The following GIPC2 variants were observed in gnomAD, a reference collection of about 807,000 sequenced individuals.
GIPC2 encodes GIPC PDZ domain containing family member 2.
Under a neutral mutation model 30.6 loss-of-function variants are expected in GIPC2, and 30 were observed. The ratio of observed to expected loss-of-function variants is 0.98; its 90% CI spans 0.73 to 1.33. GIPC2 has a LOEUF of 1.33. Among genes scored for constraint, GIPC2 ranks in the 40% most tolerant of loss-of-function variants. The pLI, the probability that GIPC2 is intolerant of heterozygous loss-of-function variation, is 0.00. For missense variants in GIPC2, 414 were observed against 390.3 expected (o/e 1.06, Z -0.51); for synonymous variants, 167 against 150.0 (o/e 1.11, Z -0.83).
chr1:78,061,650 G>A (rs1387955707), intron 1 of GIPC2, among the ~76,000 whole-genome samples: 1 of 84,974 alleles, frequency 1.2e-5, no homozygotes, highest in Admixed American at 1.4e-4. Context: ...ACAGGCGTGA[G>A]CCACCAAGCC....
At chr1:78,091,764 C>T in intron 2 of GIPC2, 1 of 776,312 alleles carries the variant, frequency 1.3e-6, no homozygotes, top group Non-Finnish European at 2.4e-6. Flanking sequence ...CACAAAGTAG[C>T]ACAGAAGAGG....
Position 78,136,442 on chromosome 1 carries a change from G to A in GIPC2, c.*699G>A, listed in dbSNP as rs750064841. 3 of 151,810 alleles carry A rather than the reference G, an allele frequency of 2.0e-5. No individual in the cohort carries two copies. The highest frequency in any genetic ancestry group is 4.4e-5 in the Non-Finnish European group (3 of 67,910). 9.4% of individuals were successfully genotyped at this position (151,810 alleles called of 1,614,324 possible). On this transcript the variant is annotated 3_prime_UTR_variant, in exon 6 of 6. Transcript: ENST00000370759. ...GAAGGGTAAAAAAGAGATGGGTAGGGTAGAACTACTTGCATTTGATTTTTT... is the reference window on the plus strand; with the variant it reads ...GAAGGGTAAAAAAGAGATGGGTAGGATAGAACTACTTGCATTTGATTTTTT...
At chr1:78,084,179 A>T (rs1332692254) in intron 2 of GIPC2, among the ~76,000 whole-genome samples, 1 of 152,198 alleles carries the variant, frequency 6.6e-6, no homozygotes, top group Non-Finnish European at 1.5e-5. Flanking sequence ...CATTATTTCT[A>T]GATCCTTTCA....
chr1:78,070,520 G>A (rs1371732353), intron 1 of GIPC2, among the ~76,000 whole-genome samples: 2 of 133,176 alleles, frequency 1.5e-5, no homozygotes, highest in African/African-American at 6.2e-5. Context: ...TTGTGGGAGA[G>A]GATGATATAT....
intron 1 of GIPC2, among the ~76,000 whole-genome samples, chr1:78,071,599 T>C (rs2100326796): frequency 6.6e-6 from 1 of 151,332 alleles, no homozygotes; most frequent in South Asian, 2.1e-4. Flanking sequence ...TTTCTTCTTC[T>C]TCTTTTTTTT....
chr1:78,110,631 G>A (rs975829802), intron 3 of GIPC2, among the ~76,000 whole-genome samples: 3 of 152,200 alleles, frequency 2.0e-5, no homozygotes, highest in Non-Finnish European at 2.9e-5. Context: ...GAGTTGCCTA[G>A]GTGGGAGGGA....
intron 4 of GIPC2, among the ~76,000 whole-genome samples, chr1:78,122,038 T>C (rs1425581844): frequency 6.6e-6 from 1 of 152,202 alleles, no homozygotes; most frequent in East Asian, 1.9e-4. Flanking sequence ...AAGGGTTAAA[T>C]CATTCGTCAC....
intron 3 of GIPC2, among the ~76,000 whole-genome samples, chr1:78,105,661 T>A (rs955272887): frequency 6.6e-6 from 1 of 152,178 alleles, no homozygotes; most frequent in Non-Finnish European, 1.5e-5. Context: ...AGTTTTCAAC[T>A]GTTTTTAAGC....
intron 2 of GIPC2, among the ~76,000 whole-genome samples, chr1:78,081,276 A>G (rs1661823356): frequency 6.6e-6 from 1 of 152,188 alleles, no homozygotes; most frequent in African/African-American, 2.4e-5. Context: ...GGAAGTATAT[A>G]AAGTTGGATC....
chr1:78,115,427 G>T (rs1662551161), intron 3 of GIPC2, among the ~76,000 whole-genome samples: 1 of 152,130 alleles, frequency 6.6e-6, no homozygotes, highest in South Asian at 2.1e-4. Flanking sequence ...GGTCGGGGAA[G>T]GAGGTTGCAT....
At chr1:78,045,155 A>C, upstream of GIPC2, 1 of 770,914 alleles carries the variant, frequency 1.3e-6, no homozygotes, top group Non-Finnish European at 1.6e-6. Flanking sequence ...TAGTGATTTC[A>C]CTCCACTGAA....
intron 3 of GIPC2, among the ~76,000 whole-genome samples, 199 bp downstream of exon 3, chr1:78,095,331 G>C (rs1208750443): frequency 6.6e-6 from 1 of 152,086 alleles, no homozygotes; most frequent in Non-Finnish European, 1.5e-5. Flanking sequence ...GAAAATTATT[G>C]CCTTGTAAAA....
intron 1 of GIPC2, among the ~76,000 whole-genome samples, chr1:78,048,750 T>G (rs1246112703): frequency 1.3e-5 from 2 of 152,136 alleles, no homozygotes; most frequent in Non-Finnish European, 2.9e-5. Context: ...GAAGCTATAT[T>G]GTTACCCAAG....
In GIPC2 at chr1:78,045,990, A is replaced by C. The variant is rs1382572133; in HGVS notation, c.-105A>C. 2.2e-6 allele frequency: 3 copies of C among 1,382,464 alleles called. No individual in the cohort carries two copies. In the African/African-American group the frequency reaches 4.6e-5, roughly 21 times the overall value. The allele number at this position is 1,382,464 out of a possible 1,614,324, so 85.6% of individuals were successfully genotyped here. Reference sequence around the variant, plus strand: ...CAGGCGGAAGCGCGGCTGCCATTGGAGGCTGCTTTTACCTGCGCGGGGCCC... The same window carrying C: ...CAGGCGGAAGCGCGGCTGCCATTGGCGGCTGCTTTTACCTGCGCGGGGCCC... On this transcript the variant is annotated 5_prime_UTR_variant, in exon 1 of 6. Transcript: ENST00000370759.
In GIPC2 at chr1:78,137,068, C is replaced by T. The variant is rs1557556350; in HGVS notation, c.*1325C>T. ...GGTAAAACTTTAGTTGTATTGCCATCCACTCCTTTTTCAAATGAGTTTAAT... is the reference window on the plus strand; with the variant it reads ...GGTAAAACTTTAGTTGTATTGCCATTCACTCCTTTTTCAAATGAGTTTAAT... On this transcript the variant is annotated 3_prime_UTR_variant, in exon 6 of 6. Coordinates refer to ENST00000370759, the MANE Select transcript of GIPC2 (RefSeq NM_017655.6). The T allele has an allele frequency of 6.6e-6, 1 of 152,228 alleles. No homozygotes were observed. The highest frequency in any genetic ancestry group is 1.5e-5 in the Non-Finnish European group (1 of 67,992). The allele number at this position is 152,228 out of a possible 1,614,324, so 9.4% of individuals were successfully genotyped here.
chr1:78,111,393 C>T (rs553145216), intron 3 of GIPC2, among the ~76,000 whole-genome samples: 1 of 152,302 alleles, frequency 6.6e-6, no homozygotes, highest in African/African-American at 2.4e-5. Context: ...GGCTTACACT[C>T]ATCCACTTTA....
rs766499697 is a variant in GIPC2, at chr1:78,135,651, C to T, written c.856C>T (p.Leu286Phe). The T allele has an allele frequency of 5.0e-6, 8 of 1,610,204 alleles. No homozygotes were observed. In the Admixed American group the frequency reaches 5.0e-5, roughly 10 times the overall value. The change falls in exon 6 of 6, where the codon CTT becomes TTT. Residue 286 changes from leucine to phenylalanine, a missense_variant. By Grantham distance (22) the Leu-to-Phe change is conservative. Transcript: ENST00000370759. ...KVNPDEFAVA[L>F]DETLGDFAFP... is the part of the protein sequence containing the mutation. ...AAATCCAGATGAATTTGCTGTGGCA[C>T]TTGACGAAACTCTTGGAGACTTTGC...
At chr1:78,078,784 T>A (rs1436047526) in intron 1 of GIPC2, among the ~76,000 whole-genome samples, 1 of 150,308 alleles carries the variant, frequency 6.7e-6, no homozygotes, top group African/African-American at 2.4e-5. Context: ...ATGGGTAAAT[T>A]GCTTTTATAT....
intron 2 of GIPC2, among the ~76,000 whole-genome samples, chr1:78,084,510 CAAA>C (rs11432277): frequency 2.3e-5 from 3 of 128,970 alleles, no homozygotes; most frequent in Admixed American, 7.7e-5. Flanking sequence ...GACTCTGTCT[CAAA>C]AAAAAAAAAA....
Sources: allele counts gnomAD v4.1 joint callset (sites outside exome capture counted in the v4.1 genomes callset), GRCh38; gene constraint gnomAD v4.1.1; transcripts MANE v1.5; gene names NCBI Gene and HGNC (gene_info 2026-07-23, HGNC 2026-07-21).